The following ANGPT1 variants were observed in gnomAD, a reference collection of about 807,000 sequenced individuals.
ANGPT1 encodes the protein angiopoietin-1.
Under a neutral mutation model 62.2 loss-of-function variants are expected in ANGPT1, and 17 were observed. That is an observed-to-expected ratio of 0.27 (90% CI 0.19 to 0.41). The LOEUF (loss-of-function observed/expected upper bound fraction) is 0.41. ANGPT1 is among the 10% of genes least tolerant of loss of function. The probability of loss-of-function intolerance (pLI) is 1.00; values close to 1 mark genes in which losing one functional copy is unlikely to be tolerated. For synonymous variants in ANGPT1, 199 were observed against 198.9 expected, an observed-to-expected ratio of 1.00 and a Z score of 0.00; for missense variants, 478 against 594.9, an observed-to-expected ratio of 0.80 and a Z score of 2.04.
intron 1 of ANGPT1, among the ~76,000 whole-genome samples, chr8:107,395,091 C>T (rs925223469): frequency 6.6e-6 from 1 of 152,082 alleles, no homozygotes; most frequent in Non-Finnish European, 1.5e-5. Flanking sequence ...AGTGAGCTGC[C>T]TTCTGAAGAG....
intron 4 of ANGPT1, among the ~76,000 whole-genome samples, chr8:107,320,636 A>G (rs929520601): frequency 1.3e-5 from 2 of 152,074 alleles, no homozygotes; most frequent in African/African-American, 4.8e-5. Context: ...TCCCTTCCCA[A>G]CCACATTACT....
chr8:107,259,817 A>AT (rs1375984371), intron 8 of ANGPT1, among the ~76,000 whole-genome samples: 3 of 151,244 alleles, frequency 2.0e-5, no homozygotes, highest in Admixed American at 6.6e-5. Context: ...AGTATCAAAG[A>AT]TTTTTTTTTA....
At chr8:107,294,966 T>A (rs1487328005) in intron 5 of ANGPT1, 1 of 151,898 alleles carries the variant, frequency 6.6e-6, no homozygotes, top group African/African-American at 2.4e-5. Context: ...TGGCTAAAGG[T>A]GGGATATGAT....
intron 1 of ANGPT1, among the ~76,000 whole-genome samples, chr8:107,430,441 G>T (rs569033942): frequency 6.6e-6 from 1 of 152,276 alleles, no homozygotes; most frequent in South Asian, 2.1e-4. Flanking sequence ...TGAGGGCAGA[G>T]TTCATACCTA....
chr8:107,366,890 G>T (rs898210416), intron 1 of ANGPT1, among the ~76,000 whole-genome samples: 1 of 151,906 alleles, frequency 6.6e-6, no homozygotes, highest in Non-Finnish European at 1.5e-5. Flanking sequence ...TCTGTCTCTC[G>T]GGCTCTGTCT....
At chr8:107,366,770 C>G (rs370813089) in intron 1 of ANGPT1, among the ~76,000 whole-genome samples, 44 of 152,310 alleles carry the variant, frequency 2.9e-4, no homozygotes, top group African/African-American at 9.9e-4. Context: ...TGCATTATAT[C>G]AGAGTTGATC....
intron 1 of ANGPT1, among the ~76,000 whole-genome samples, chr8:107,379,381 C>T (rs1369794362): frequency 6.6e-6 from 1 of 152,148 alleles, no homozygotes; most frequent in Non-Finnish European, 1.5e-5. Context: ...CTCCATAAGG[C>T]TGCCTTGACA....
chr8:107,282,430 A>ATG (rs1454601682), intron 7 of ANGPT1, among the ~76,000 whole-genome samples: 1 of 22,878 alleles, frequency 4.4e-5, no homozygotes, highest in African/African-American at 2.8e-4. Flanking sequence ...ATGTATATAT[A>ATG]TGTGTGTATG....
intron 1 of ANGPT1, among the ~76,000 whole-genome samples, chr8:107,440,895 G>A (rs1453303299): frequency 6.6e-6 from 1 of 152,126 alleles, no homozygotes; most frequent in Non-Finnish European, 1.5e-5. Flanking sequence ...AATGTCTAAT[G>A]TGGACACTCT....
chr8:107,333,830 C>G (rs572719576), intron 3 of ANGPT1, among the ~76,000 whole-genome samples: 2 of 150,846 alleles, frequency 1.3e-5, no homozygotes, highest in African/African-American at 4.9e-5. Flanking sequence ...GAAATGATAC[C>G]AGATGCTGCA....
chr8:107,479,252 A>T (rs139058794), intron 1 of ANGPT1, among the ~76,000 whole-genome samples: 1 of 152,240 alleles, frequency 6.6e-6, no homozygotes, highest in Non-Finnish European at 1.5e-5. Context: ...TGCAATGAGC[A>T]TGTTCATATA....
intron 1 of ANGPT1, among the ~76,000 whole-genome samples, chr8:107,448,272 T>C (rs970106571): frequency 1.3e-5 from 2 of 152,230 alleles, no homozygotes; most frequent in Non-Finnish European, 2.9e-5. Flanking sequence ...TCTATTTCTC[T>C]ACATTCCTTA....
intron 2 of ANGPT1, among the ~76,000 whole-genome samples, chr8:107,339,681 C>G (rs944762689): frequency 3.3e-5 from 5 of 152,162 alleles, no homozygotes; most frequent in Non-Finnish European, 5.9e-5. Context: ...GGCAGGAAGG[C>G]TCATCTGGAG....
intron 1 of ANGPT1, among the ~76,000 whole-genome samples, chr8:107,474,354 T>C (rs1028299364): frequency 9.9e-5 from 15 of 152,174 alleles, no homozygotes; most frequent in South Asian, 2.1e-4. Flanking sequence ...CCTCAATAGA[T>C]GCAGAAAAGG....
chr8:107,478,684 T>A (rs1812597927), intron 1 of ANGPT1, among the ~76,000 whole-genome samples: 1 of 152,316 alleles, frequency 6.6e-6, no homozygotes, highest in Admixed American at 6.5e-5. Context: ...TCATTGTGAA[T>A]GTTTTGGGTA....
intron 1 of ANGPT1, among the ~76,000 whole-genome samples, chr8:107,452,836 G>T (rs1422744115): frequency 6.6e-6 from 1 of 151,906 alleles, no homozygotes; most frequent in Admixed American, 6.6e-5. Context: ...CATAGTACAG[G>T]CTCAATAAAT....
chr8:107,484,401 A>AT (rs1310251017), intron 1 of ANGPT1, among the ~76,000 whole-genome samples: 1 of 151,778 alleles, frequency 6.6e-6, no homozygotes, highest in African/African-American at 2.4e-5. Flanking sequence ...AAAAATCATT[A>AT]TTTTTTTCTT....
chr8:107,406,864 G>A (rs1817158661), intron 1 of ANGPT1, among the ~76,000 whole-genome samples: 1 of 139,342 alleles, frequency 7.2e-6, no homozygotes, highest in Admixed American at 7.5e-5. Flanking sequence ...TTACAAAGAA[G>A]TCCTTCTACC....
intron 1 of ANGPT1, among the ~76,000 whole-genome samples, chr8:107,379,889 A>T (rs1033276472): frequency 6.6e-6 from 1 of 152,192 alleles, no homozygotes; most frequent in African/African-American, 2.4e-5. Context: ...AACATTATGT[A>T]TTGAAAAAGT....
Sources: gnomAD v4.1 joint callset for allele counts (sites outside exome capture counted in the v4.1 genomes callset) on GRCh38, gnomAD v4.1.1 for gene constraint, MANE v1.5 for transcripts, NCBI Gene and HGNC (gene_info 2026-07-23, HGNC 2026-07-21) for gene names.